Variants in EHBP1 observed in about 807,000 individuals in gnomAD.
EHBP1 encodes EH domain binding protein 1.
In EHBP1, 55 loss-of-function variants were observed where a neutral mutation model predicts 144.0. The observed-to-expected ratio is 0.38, with a 90% CI of 0.31 to 0.48. EHBP1 has a LOEUF of 0.48. Ranked by LOEUF, EHBP1 falls within the 20% of genes least tolerant of loss-of-function variation. The probability of loss-of-function intolerance (pLI) is 0.98; values close to 1 mark genes in which losing one functional copy is unlikely to be tolerated. For synonymous variants in EHBP1, 469 were observed against 472.7 expected (o/e 0.99, Z 0.10); for missense variants, 1,200 against 1,364.2 (o/e 0.88, Z 1.90).
intron 1 of EHBP1, among the ~76,000 whole-genome samples, chr2:62,688,272 CA>C (rs900994789): frequency 1.3e-5 from 2 of 152,130 alleles, no homozygotes; most frequent in African/African-American, 4.8e-5. Flanking sequence ...ACGCTCCCCT[CA>C]GAAGCAACAG....
intron 6 of EHBP1, 65 bp from the exon 7 acceptor site, chr2:62,830,954 A>C: frequency 6.5e-7 from 1 of 1,530,536 alleles, no homozygotes. Flanking sequence ...TTGTTTTCTT[A>C]AGAAACCATC....
At chr2:63,040,628 A>T (rs965241180) in intron 21 of EHBP1, among the ~76,000 whole-genome samples, 3 of 152,214 alleles carry the variant, frequency 2.0e-5, no homozygotes, top group African/African-American at 7.2e-5. Flanking sequence ...TTTGTGTTTT[A>T]AATACATTGT....
rs1212517271 is a variant in EHBP1 at position 62,757,402 on chromosome 2, C to A, written c.163-6864C>A. Among the ~76,000 whole-genome samples the A allele has an allele frequency of 7.6e-5, 11 of 144,806 alleles. No homozygotes were observed. In the Admixed American group the frequency reaches 7.6e-4, roughly 10 times the overall value. The allele number at this position is 144,806 out of a possible 152,430, so 95.0% of individuals were successfully genotyped here. A position where few individuals can be genotyped will look rare whatever the true frequency, so the allele number is the denominator to read the frequency against. On this transcript the variant is annotated intron_variant, in intron 3 of 22. Transcript: ENST00000431489. Reference sequence around the variant, plus strand: ...GAAAGAGTTTGAACTACATGATAATCATTTCTTTCTTTCTTTTTTTTTTCT... The same window carrying A: ...GAAAGAGTTTGAACTACATGATAATAATTTCTTTCTTTCTTTTTTTTTTCT...
At chr2:62,707,431 T>G (rs866736261) in intron 2 of EHBP1, 136 bp downstream of exon 2, 1 of 648,642 alleles carries the variant, frequency 1.5e-6, no homozygotes, top group Non-Finnish European at 2.8e-6. Flanking sequence ...CGCAGATAAC[T>G]CTAACAAGTA....
chr2:63,013,358 A>G (rs1272558876), intron 19 of EHBP1, among the ~76,000 whole-genome samples: 1 of 152,202 alleles, frequency 6.6e-6, no homozygotes, highest in Non-Finnish European at 1.5e-5. Context: ...GAACATATTA[A>G]AGGTATGCAT....
At chr2:62,887,395 C>G (rs961921497) in intron 10 of EHBP1, among the ~76,000 whole-genome samples, 2 of 151,994 alleles carry the variant, frequency 1.3e-5, no homozygotes, top group African/African-American at 4.8e-5. Context: ...CTTGGTGTCT[C>G]TCTTATGAGA....
chr2:62,874,647 A>G (rs1362580476), intron 10 of EHBP1, 115 bp downstream of exon 10: 1 of 858,426 alleles, frequency 1.2e-6, no homozygotes, highest in Non-Finnish European at 1.8e-6. Flanking sequence ...TAAAAATAAT[A>G]TCCAAGACAA....
intron 13 of EHBP1, among the ~76,000 whole-genome samples, chr2:62,952,585 A>C (rs954684185): frequency 6.6e-6 from 1 of 152,202 alleles, no homozygotes; most frequent in Non-Finnish European, 1.5e-5. Flanking sequence ...GATGACAGTT[A>C]TATATCTTAC....
chr2:62,869,255 T>G (rs1037616923), intron 9 of EHBP1, among the ~76,000 whole-genome samples: 1 of 152,190 alleles, frequency 6.6e-6, no homozygotes, highest in Non-Finnish European at 1.5e-5. Context: ...CTGAAAAAGT[T>G]AAACATACAT....
intron 1 of EHBP1, 45 bp from the exon 2 acceptor site, chr2:62,706,852 C>T (rs367901222): frequency 9.1e-6 from 2 of 218,700 alleles, no homozygotes; most frequent in East Asian, 1.1e-4. Flanking sequence ...TCTCATGATT[C>T]TCTCCTCATA....
upstream of EHBP1, among the ~76,000 whole-genome samples, chr2:62,702,693 G>C (rs1047607482): frequency 1.3e-5 from 2 of 152,192 alleles, no homozygotes; most frequent in African/African-American, 4.8e-5. Context: ...AGACTCTTTA[G>C]TCCTTGAGGT....
At chr2:62,778,271 A>G (rs567045158) in intron 5 of EHBP1, among the ~76,000 whole-genome samples, 1 of 152,274 alleles carries the variant, frequency 6.6e-6, no homozygotes, top group African/African-American at 2.4e-5. Flanking sequence ...TGGACCTGGT[A>G]GCACACGCCT....
intron 10 of EHBP1, among the ~76,000 whole-genome samples, chr2:62,907,887 A>G (rs552852749): frequency 1.5e-4 from 23 of 152,306 alleles, no homozygotes; most frequent in African/African-American, 5.5e-4. Context: ...GTTAACTTTA[A>G]TCTCTCTAGT....
chr2:62,675,300 G>T (rs2033244701), intron 1 of EHBP1, among the ~76,000 whole-genome samples: 1 of 152,266 alleles, frequency 6.6e-6, no homozygotes, highest in South Asian at 2.1e-4. Flanking sequence ...ATGAACCCTA[G>T]TGCCAGGGAA....
At chr2:62,878,356 A>T (rs550290977) in intron 10 of EHBP1, among the ~76,000 whole-genome samples, 31 of 152,324 alleles carry the variant, frequency 2.0e-4, no homozygotes, top group African/African-American at 7.5e-4. Context: ...CTTGGACTAG[A>T]CAGATTCATG....
At chr2:62,989,199 AT>A (rs201553931) in intron 15 of EHBP1, among the ~76,000 whole-genome samples, 9 of 151,706 alleles carry the variant, frequency 5.9e-5, no homozygotes, top group Admixed American at 5.9e-4. Context: ...GTTAGGTTTG[AT>A]TTTTTTTTAA....
At chr2:62,750,075 T>A (rs2039535660) in intron 3 of EHBP1, among the ~76,000 whole-genome samples, 1 of 152,210 alleles carries the variant, frequency 6.6e-6, no homozygotes, top group Non-Finnish European at 1.5e-5. Context: ...GTGTCTTGAA[T>A]GGTATTGCCT....
At chr2:62,923,815 G>A (rs2055282344) in intron 10 of EHBP1, among the ~76,000 whole-genome samples, 1 of 152,174 alleles carries the variant, frequency 6.6e-6, no homozygotes, top group Non-Finnish European at 1.5e-5. Context: ...TTGCACCTGT[G>A]TACTAGGACT....
In EHBP1 at chr2:62,765,911, A is replaced by G. The variant is rs140415953; in HGVS notation, c.258+1550A>G. Among the ~76,000 whole-genome samples the G allele has an allele frequency of 4.7e-4, 72 of 152,212 alleles. 1 individual carries two copies. The highest frequency in any genetic ancestry group is 1.5e-3 in the African/African-American group (64 of 41,534). Reference sequence around the variant, plus strand: ...TCATGGAAAAGCTCTTTCAACCTTTATATACAATTCTTTTTCTCCTTAAAA... The same window carrying G: ...TCATGGAAAAGCTCTTTCAACCTTTGTATACAATTCTTTTTCTCCTTAAAA... On this transcript the variant is annotated intron_variant, in intron 4 of 22. Transcript: ENST00000431489.
Sources: allele counts gnomAD v4.1 joint callset (sites outside exome capture counted in the v4.1 genomes callset), GRCh38; gene constraint gnomAD v4.1.1; transcripts MANE v1.5; gene names NCBI Gene and HGNC (gene_info 2026-07-23, HGNC 2026-07-21).